TAFA2: variants seen among roughly 807,000 people sequenced by gnomAD.
TAFA2 encodes chemokine-like protein TAFA-2.
In TAFA2, 7 loss-of-function variants were observed where a neutral mutation model predicts 18.8. The observed-to-expected ratio is 0.37, with a 90% confidence interval of 0.21 to 0.70. The LOEUF (loss-of-function observed/expected upper bound fraction) is 0.70. TAFA2 is among the 30% of genes least tolerant of loss of function. The pLI is 0.53. For synonymous variants in TAFA2, 60 were observed against 54.2 expected, an observed-to-expected ratio of 1.11 and a Z score of -0.47; for missense variants, 122 against 158.1, an observed-to-expected ratio of 0.77 and a Z score of 1.23.
At chr12:61,911,418 C>A (rs1399522991) in intron 1 of TAFA2, among the ~76,000 whole-genome samples, 1 of 152,178 alleles carries the variant, frequency 6.6e-6, no homozygotes, top group Non-Finnish European at 1.5e-5. Flanking sequence ...TTCCATGGAA[C>A]ATGAAGCTAA....
intron 1 of TAFA2, among the ~76,000 whole-genome samples, chr12:61,966,142 A>G (rs927868351): frequency 5.9e-5 from 9 of 151,840 alleles, no homozygotes; most frequent in African/African-American, 1.9e-4. Context: ...AAGTGTTCCA[A>G]CTTCTCCTCA....
At chr12:62,235,511 T>C (rs996389918) in intron 1 of TAFA2, 12 of 537,788 alleles carry the variant, frequency 2.2e-5, no homozygotes, top group Middle Eastern at 3.0e-4. Flanking sequence ...TGGTCGGCTG[T>C]ACATGAAGAC....
At chr12:62,239,579 A>T (rs1384592577) in intron 1 of TAFA2, among the ~76,000 whole-genome samples, 1 of 152,216 alleles carries the variant, frequency 6.6e-6, no homozygotes, top group Non-Finnish European at 1.5e-5. Flanking sequence ...GATCACAGAA[A>T]TGATATGCAC....
At chr12:62,058,698 C>T (rs1431321068) in intron 1 of TAFA2, among the ~76,000 whole-genome samples, 1 of 152,130 alleles carries the variant, frequency 6.6e-6, no homozygotes, top group Non-Finnish European at 1.5e-5. Context: ...TGGTAACTCA[C>T]GCTTGTATTC....
intron 1 of TAFA2, among the ~76,000 whole-genome samples, chr12:61,892,604 A>C (rs10877762): frequency 0.12 from 17,842 of 152,222 alleles, 1,264 homozygotes; most frequent in South Asian, 0.18. Flanking sequence ...TGTGAGGCTG[A>C]GGCTGGCAGA....
intron 1 of TAFA2, among the ~76,000 whole-genome samples, chr12:62,097,878 T>C (rs1419450222): frequency 6.6e-6 from 1 of 152,160 alleles, no homozygotes; most frequent in Non-Finnish European, 1.5e-5. Flanking sequence ...CTCAGCTGTG[T>C]TCAAGATTCC....
chr12:62,036,819 C>G (rs1323882544), intron 1 of TAFA2, among the ~76,000 whole-genome samples: 1 of 152,172 alleles, frequency 6.6e-6, no homozygotes, highest in Non-Finnish European at 1.5e-5. Context: ...AGCAGTAATT[C>G]TGTTTTTAGT....
chr12:62,228,956 T>C (rs1161609301), intron 1 of TAFA2, among the ~76,000 whole-genome samples: 3 of 152,188 alleles, frequency 2.0e-5, no homozygotes, highest in Admixed American at 6.5e-5. Flanking sequence ...TTTACTCCTA[T>C]GTATTATATA....
At chr12:61,881,303 C>G (rs1875127934) in intron 1 of TAFA2, among the ~76,000 whole-genome samples, 2 of 152,108 alleles carry the variant, frequency 1.3e-5, no homozygotes, top group African/African-American at 2.4e-5. Flanking sequence ...GTGTGAACCT[C>G]ATAGAGTGTA....
intron 1 of TAFA2, among the ~76,000 whole-genome samples, chr12:62,034,533 T>C (rs1461640469): frequency 6.6e-6 from 1 of 152,168 alleles, no homozygotes; most frequent in Non-Finnish European, 1.5e-5. Context: ...ATTTGAAAAA[T>C]CCAGAGGACA....
At chr12:61,842,995 A>G (rs1265444430) in intron 2 of TAFA2, among the ~76,000 whole-genome samples, 3 of 152,080 alleles carry the variant, frequency 2.0e-5, no homozygotes, top group Non-Finnish European at 4.4e-5. Context: ...GCTGGCCCAC[A>G]CAAGGAAGAA....
At chr12:61,913,831 C>T (rs1053599877) in intron 1 of TAFA2, among the ~76,000 whole-genome samples, 7 of 152,106 alleles carry the variant, frequency 4.6e-5, no homozygotes, top group South Asian at 2.1e-4. Flanking sequence ...GACAGTCAGA[C>T]GACAGGAGAC....
intron 2 of TAFA2, among the ~76,000 whole-genome samples, chr12:61,794,953 T>G (rs1241228611): frequency 6.6e-6 from 1 of 152,132 alleles, no homozygotes; most frequent in Non-Finnish European, 1.5e-5. Flanking sequence ...AGAAGACATT[T>G]ATGCAGCCAA....
intron 2 of TAFA2, among the ~76,000 whole-genome samples, chr12:61,866,341 T>A (rs1485005754): frequency 6.6e-6 from 1 of 152,162 alleles, no homozygotes; most frequent in African/African-American, 2.4e-5. Context: ...GTAATGCTAA[T>A]TAAACGGACA....
intron 1 of TAFA2, among the ~76,000 whole-genome samples, chr12:61,964,277 A>G (rs1207897350): frequency 1.3e-5 from 2 of 152,002 alleles, no homozygotes; most frequent in Non-Finnish European, 2.9e-5. Context: ...CTATCATCAG[A>G]GTGAACAGGA....
At chr12:62,021,441 T>A in intron 1 of TAFA2, 1 of 474,968 alleles carries the variant, frequency 2.1e-6, no homozygotes. Flanking sequence ...CTCCCACCCT[T>A]TCCCCCAAGA....
At chr12:62,026,776 AC>A (rs1190611964) in intron 1 of TAFA2, among the ~76,000 whole-genome samples, 12 of 152,292 alleles carry the variant, frequency 7.9e-5, no homozygotes, top group African/African-American at 2.6e-4. Context: ...TAGAGTTTAA[AC>A]AAAATGGCTT....
intron 1 of TAFA2, among the ~76,000 whole-genome samples, chr12:62,244,887 AT>A: frequency 6.6e-6 from 1 of 152,024 alleles, no homozygotes; most frequent in African/African-American, 2.4e-5. Flanking sequence ...TCTTTTGCCT[AT>A]TTCTCTTTGT....
chr12:62,153,195 T>C (rs1456705583), intron 1 of TAFA2, among the ~76,000 whole-genome samples: 2 of 152,116 alleles, frequency 1.3e-5, no homozygotes, highest in Non-Finnish European at 2.9e-5. Flanking sequence ...CAAAAATGGA[T>C]TTATCTGCTA....
Sources: gnomAD v4.1 joint callset for allele counts (sites outside exome capture counted in the v4.1 genomes callset) on GRCh38, gnomAD v4.1.1 for gene constraint, MANE v1.5 for transcripts, NCBI Gene and HGNC (gene_info 2026-07-23, HGNC 2026-07-21) for gene names.